The following ZNF577 variants were observed in gnomAD, a reference collection of about 807,000 sequenced individuals.
ZNF577 encodes the protein zinc finger protein 577.
ZNF577 carries 14 observed loss-of-function variants against 13.9 expected under a neutral mutation model. That is an observed-to-expected ratio of 1.00 (90% CI 0.66 to 1.57). The LOEUF (loss-of-function observed/expected upper bound fraction) is 1.57. Ranked by LOEUF, ZNF577 falls within the 40% of genes most tolerant of loss-of-function variation. The pLI is 0.00. For synonymous variants in ZNF577, 203 were observed against 202.9 expected, an observed-to-expected ratio of 1.00 and a Z score of 0.00; for missense variants, 555 against 579.2, an observed-to-expected ratio of 0.96 and a Z score of 0.43.
At chr19:51,823,821 C>G (rs1320091390) in intron 9 of ZNF577, 1 of 1,613,994 alleles carries the variant, frequency 6.2e-7, no homozygotes, top group Non-Finnish European at 8.5e-7. Context: ...CCACACCGTT[C>G]TGTGGATCTT....
downstream of ZNF577, chr19:51,862,791 G>A (rs769378272): frequency 6.6e-6 from 1 of 152,050 alleles, no homozygotes; most frequent in Admixed American, 6.6e-5. Context: ...CCTTTTTTGA[G>A]AAGGCTTTTT....
chr19:51,809,382 G>A (rs28853598), intron 10 of ZNF577, among the ~76,000 whole-genome samples: 19,001 of 152,168 alleles, frequency 0.12, 1,298 homozygotes, highest in East Asian at 0.21. Flanking sequence ...ATCAGCTCCC[G>A]TATCCATAAG....
chr19:51,880,447 G>A (rs2084844445), intron 2 of ZNF577, 46 bp from the exon 3 acceptor site: 3 of 1,554,562 alleles, frequency 1.9e-6, no homozygotes, highest in Non-Finnish European at 2.7e-6. Context: ...AAAACCCACA[G>A]GGTCTTAACA....
At position 51,880,405 on chromosome 19, in the gene ZNF577, C is replaced by G; in HGVS notation, c.-19-4G>C. The G allele has an allele frequency of 1.2e-6, 2 of 1,612,110 alleles. No homozygotes were observed. Among genetic ancestry groups the G allele is most frequent in the Admixed American group, 1.7e-5 (1 of 59,634 alleles). On this transcript the variant is annotated splice_polypyrimidine_tract_variant and splice_region_variant and intron_variant, in intron 2 of 5. Coordinates refer to ENST00000638348, the MANE Select transcript of ZNF577 (RefSeq NM_001370449.1). ...CATGTGTTTCCTGTTATTTCAGCTGCCAAAAAAAAGGAGACACAGTTTAAA... is the reference window on the plus strand; with the variant it reads ...CATGTGTTTCCTGTTATTTCAGCTGGCAAAAAAAAGGAGACACAGTTTAAA...
At chr19:51,874,541 G>C (rs148066882) in intron 5 of ZNF577, among the ~76,000 whole-genome samples, 3 of 152,036 alleles carry the variant, frequency 2.0e-5, no homozygotes, top group Non-Finnish European at 4.4e-5. Flanking sequence ...CTGAGCTTGA[G>C]TGAAGTAGAA....
intron 10 of ZNF577, chr19:51,811,359 C>T (rs376499961): frequency 6.6e-6 from 1 of 152,174 alleles, no homozygotes; most frequent in African/African-American, 2.4e-5. Flanking sequence ...AGCAACTGCA[C>T]ATAATTATTT....
At chr19:51,819,871 G>A (rs2084174955) in intron 9 of ZNF577, among the ~76,000 whole-genome samples, 1 of 152,194 alleles carries the variant, frequency 6.6e-6, no homozygotes, top group Admixed American at 6.5e-5. Context: ...GAAGGATCTA[G>A]TAGAAATCAA....
chr19:51,827,412 A>T (rs1224502261), intron 9 of ZNF577, among the ~76,000 whole-genome samples: 1 of 152,232 alleles, frequency 6.6e-6, no homozygotes, highest in East Asian at 1.9e-4. Flanking sequence ...CTTTCAAGTA[A>T]TGAGAATGTA....
chr19:51,847,351 C>T (rs1396627622), intron 5 of ZNF577, among the ~76,000 whole-genome samples: 2 of 152,152 alleles, frequency 1.3e-5, no homozygotes, highest in Non-Finnish European at 2.9e-5. Context: ...CCAGCCTCTC[C>T]CGTCGATGTC....
chr19:51,853,955 T>G (rs996537508), intron 5 of ZNF577, among the ~76,000 whole-genome samples: 1 of 150,924 alleles, frequency 6.6e-6, no homozygotes, highest in Non-Finnish European at 1.5e-5. Context: ...AAGAGCGAGA[T>G]AGATTATAGG....
At chr19:51,807,119 G>T (rs1405943686) in intron 10 of ZNF577, among the ~76,000 whole-genome samples, 1 of 152,192 alleles carries the variant, frequency 6.6e-6, no homozygotes, top group Non-Finnish European at 1.5e-5. Flanking sequence ...GAGTATATTT[G>T]GAAGAAGCGG....
chr19:51,858,208 A>G (rs949017670), intron 5 of ZNF577, among the ~76,000 whole-genome samples: 2 of 152,222 alleles, frequency 1.3e-5, no homozygotes, highest in Non-Finnish European at 2.9e-5. Flanking sequence ...CTCTCATTAT[A>G]TAAAGCCTAC....
chr19:51,838,441 A>G (rs1212460123), intron 9 of ZNF577, among the ~76,000 whole-genome samples: 1 of 151,652 alleles, frequency 6.6e-6, no homozygotes, highest in Admixed American at 6.6e-5. Flanking sequence ...GTTTAATTAG[A>G]AACTAAATTA....
At chr19:51,866,386 T>C (rs1270414601), downstream of ZNF577, among the ~76,000 whole-genome samples, 1 of 151,822 alleles carries the variant, frequency 6.6e-6, no homozygotes, top group Non-Finnish European at 1.5e-5. Flanking sequence ...AAAAGTAAAA[T>C]AAATACATAA....
At chr19:51,858,091 C>G (rs1030454791) in intron 5 of ZNF577, among the ~76,000 whole-genome samples, 3 of 152,206 alleles carry the variant, frequency 2.0e-5, no homozygotes, top group Non-Finnish European at 4.4e-5. Context: ...AGCTAACTCC[C>G]CAATCAGCTG....
chr19:51,820,601 G>C (rs2084181137), intron 9 of ZNF577, among the ~76,000 whole-genome samples: 1 of 152,174 alleles, frequency 6.6e-6, no homozygotes, highest in South Asian at 2.1e-4. Context: ...ATGACTTAGA[G>C]ATTATTGATA....
chr19:51,883,136 G>A (rs145647524), intron 1 of ZNF577, among the ~76,000 whole-genome samples: 2,218 of 151,890 alleles, frequency 0.015, 57 homozygotes, highest in African/African-American at 0.051. Flanking sequence ...GGGATTACAG[G>A]TGCCCACCAC....
At chr19:51,876,845 T>A (rs551333437) in intron 5 of ZNF577, among the ~76,000 whole-genome samples, 9 of 151,554 alleles carry the variant, frequency 5.9e-5, no homozygotes, top group African/African-American at 2.2e-4. Context: ...GGAGAATCAC[T>A]TAAACCTGGG....
rs139199407 is a variant in ZNF577 at position 51,872,532 on chromosome 19, T to G, written c.1458A>C (p.Ter486TyrextTer3). 97 of 1,561,408 alleles carry G rather than the reference T, an allele frequency of 6.2e-5. No homozygotes were observed. The African/African-American group carries it at 1.2e-3, about 19-fold the overall frequency. The change falls in exon 6 of 6, where the codon TAA becomes TAC. Residue 486 changes from the stop codon to tyrosine (Y), a stop_lost. Transcript: ENST00000638348. ...ILYLTDIVSE[*>Y] is the part of the protein sequence containing the mutation. ...TCCCACCTTTCTGGTATCAGAAGATTTATTCTGATACAATATCTGTAAGAT... is the reference window on the plus strand; with the variant it reads ...TCCCACCTTTCTGGTATCAGAAGATGTATTCTGATACAATATCTGTAAGAT...
Sources: allele counts gnomAD v4.1 joint callset (sites outside exome capture counted in the v4.1 genomes callset), GRCh38; gene constraint gnomAD v4.1.1; transcripts MANE v1.5; gene names NCBI Gene and HGNC (gene_info 2026-07-23, HGNC 2026-07-21).